DNAH6: variants seen among roughly 807,000 people sequenced by gnomAD.
The protein encoded by DNAH6 is dynein axonemal heavy chain 6.
A neutral mutation model predicts 491.4 loss-of-function variants in DNAH6; 340 were observed. The ratio of observed to expected loss-of-function variants is 0.69; its 90% CI spans 0.63 to 0.76. The LOEUF is 0.76. Among genes scored for constraint, DNAH6 ranks in the 30% least tolerant of loss-of-function variants. The pLI is 0.00. For missense variants in DNAH6, 4,443 were observed against 4,972.2 expected, an observed-to-expected ratio of 0.89 and a Z score of 3.20; for synonymous variants, 1,603 against 1,686.1, an observed-to-expected ratio of 0.95 and a Z score of 1.21.
Position 84,624,248 on chromosome 2 carries a change from A to AT in DNAH6, c.4072-9dup, listed in dbSNP as rs771395322. On this transcript the variant is annotated splice_polypyrimidine_tract_variant and intron_variant, in intron 26 of 76. Transcript: ENST00000389394. Reference sequence around the variant, plus strand: ...TGATATTGGAAAATTCACCATGACAATTTTTTTTATTTGTAGAGATTAAAT... The same window carrying AT: ...TGATATTGGAAAATTCACCATGACAATTTTTTTTTATTTGTAGAGATTAAAT... 21 of 1,526,084 alleles carry AT rather than the reference A, an allele frequency of 1.4e-5. No individual in the cohort carries two copies. The highest frequency in any genetic ancestry group is 4.5e-5 in the Admixed American group (2 of 44,720). The allele number at this position is 1,526,084 out of a possible 1,614,324, so 94.5% of individuals were successfully genotyped here. A position where few individuals can be genotyped will look rare whatever the true frequency, so the allele number is the denominator to read the frequency against.
chr2:84,584,565 A>T (rs1442462669), intron 15 of DNAH6: 2 of 230,774 alleles, frequency 8.7e-6, no homozygotes, highest in Non-Finnish European at 1.7e-5. Flanking sequence ...TGCTACTTAA[A>T]AATTAATGTT....
intron 37 of DNAH6, among the ~76,000 whole-genome samples, chr2:84,667,693 G>A (rs1282648174): frequency 1.3e-5 from 2 of 152,136 alleles, no homozygotes; most frequent in African/African-American, 2.4e-5. Context: ...GATTCCTCAA[G>A]GATCTAGAAC....
At chr2:84,476,298 G>A in the DNAH6 span, among the ~76,000 whole-genome samples, 1 of 152,078 alleles carries the variant, frequency 6.6e-6, no homozygotes, top group Non-Finnish European at 1.5e-5. Context: ...ATGCTTCAAG[G>A]TCTCCCTCGG....
chr2:84,765,720 T>G (rs1675014888), intron 64 of DNAH6, among the ~76,000 whole-genome samples: 1 of 151,976 alleles, frequency 6.6e-6, no homozygotes, highest in Non-Finnish European at 1.5e-5. Flanking sequence ...GAGTAGAAAT[T>G]AATGCAAATA....
intron 64 of DNAH6, among the ~76,000 whole-genome samples, chr2:84,774,354 G>A (rs1451887064): frequency 6.6e-6 from 1 of 152,034 alleles, no homozygotes; most frequent in African/African-American, 2.4e-5. Flanking sequence ...TGTCAACTTT[G>A]TCAAAGATGA....
At chr2:84,753,902 G>A (rs1673732507) in intron 63 of DNAH6, among the ~76,000 whole-genome samples, 1 of 146,004 alleles carries the variant, frequency 6.8e-6, no homozygotes, top group South Asian at 2.1e-4. Context: ...TCAGCTCACT[G>A]CAACCTCCAC....
At chr2:84,547,164 A>C in intron 5 of DNAH6, 104 bp from the exon 6 acceptor site, 1 of 951,492 alleles carries the variant, frequency 1.1e-6, no homozygotes, top group Non-Finnish European at 1.5e-6. Context: ...GTTAACACAC[A>C]GAGGTGTTTA....
At chr2:84,701,366 A>G (rs1478060551) in intron 49 of DNAH6, 27 bp downstream of exon 49, 1 of 1,534,416 alleles carries the variant, frequency 6.5e-7, no homozygotes, top group South Asian at 1.2e-5. Flanking sequence ...CCATGAAAAT[A>G]TTGTTTTGCT....
intron 70 of DNAH6, among the ~76,000 whole-genome samples, chr2:84,804,827 T>A (rs906695213): frequency 6.6e-6 from 1 of 152,202 alleles, no homozygotes; most frequent in Non-Finnish European, 1.5e-5. Context: ...TTATTTTATT[T>A]CCTTTTGAAA....
chr2:84,786,944 G>C (rs930035111), intron 67 of DNAH6, among the ~76,000 whole-genome samples: 1 of 152,050 alleles, frequency 6.6e-6, no homozygotes, highest in African/African-American at 2.4e-5. Context: ...TCTGGTAATA[G>C]CAAATTTTCT....
At chr2:84,733,748 C>A (rs1573640408) in intron 62 of DNAH6, among the ~76,000 whole-genome samples, 169 bp downstream of exon 62, 1 of 152,108 alleles carries the variant, frequency 6.6e-6, no homozygotes, top group African/African-American at 2.4e-5. Context: ...GAGTCGAATG[C>A]TTGGCCCATG....
intron 32 of DNAH6, among the ~76,000 whole-genome samples, chr2:84,641,463 A>G (rs114186179): frequency 2.7e-3 from 413 of 152,272 alleles, no homozygotes; most frequent in African/African-American, 9.4e-3. Context: ...AGACAGACCA[A>G]TGTGTAGTCA....
In DNAH6 at chr2:84,584,028, A is replaced by G. The variant is rs1251900287; in HGVS notation, c.2259A>G (p.Ile753Met). ...AAAGCCTTGAAGATGAGGGGAATATAGTGACTCAAATGTACAAGCTTATGG... is the reference window on the plus strand; with the variant it reads ...AAAGCCTTGAAGATGAGGGGAATATGGTGACTCAAATGTACAAGCTTATGG... ...RIESLEDEGNIVTQMYKLMEQ... is the reference protein window; with the variant it reads ...RIESLEDEGNMVTQMYKLMEQ... The change falls in exon 15 of 77, where the codon ATA (isoleucine) becomes ATG (methionine). Residue 753 changes from isoleucine (I) to methionine (M), a missense_variant. This residue lies in a region of DNAH6 where 2,977 missense variants were observed against 3,296.6 expected (regional missense o/e 0.90). Coordinates refer to ENST00000389394, the MANE Select transcript of DNAH6 (RefSeq NM_001370.2). 1 of 1,614,160 alleles carries G rather than the reference A, an allele frequency of 6.2e-7. No homozygotes were observed. Among genetic ancestry groups the G allele is most frequent in the Non-Finnish European group, 8.5e-7 (1 of 1,180,000 alleles).
chr2:84,765,208 G>A (rs1343003507), intron 64 of DNAH6, among the ~76,000 whole-genome samples: 2 of 152,014 alleles, frequency 1.3e-5, no homozygotes, highest in African/African-American at 4.8e-5. Flanking sequence ...GAAATTATAT[G>A]AAATCCAGAA....
In DNAH6 at chr2:84,654,689, A is replaced by G; in HGVS notation, c.5664A>G (p.Ala1888=). The G allele has an allele frequency of 6.4e-7, 1 of 1,551,124 alleles. No individual in the cohort carries two copies. The highest frequency in any genetic ancestry group is 8.7e-7 in the Non-Finnish European group (1 of 1,146,414). The part of the protein sequence containing the change: ...EVQDLRVASP[A]TVSRCGMVFV... ...AAGATCTGCGGGTTGCCTCCCCTGCAACAGTCAGTCGATGTGGAATGGTGT... is the reference window on the plus strand; with the variant it reads ...AAGATCTGCGGGTTGCCTCCCCTGCGACAGTCAGTCGATGTGGAATGGTGT... The change falls in exon 35 of 77, where the codon GCA becomes GCG. Residue 1888 remains alanine (A), a synonymous_variant. Coordinates refer to ENST00000389394, the MANE Select transcript of DNAH6 (RefSeq NM_001370.2).
At chr2:84,741,267 T>C (rs1672504171) in intron 62 of DNAH6, among the ~76,000 whole-genome samples, 1 of 151,988 alleles carries the variant, frequency 6.6e-6, no homozygotes, top group Non-Finnish European at 1.5e-5. Context: ...ATTCTCAAAA[T>C]GGTGCCTTGG....
At chr2:84,629,630 G>T (rs1335234846) in intron 29 of DNAH6, among the ~76,000 whole-genome samples, 2 of 152,102 alleles carry the variant, frequency 1.3e-5, no homozygotes, top group African/African-American at 4.8e-5. Flanking sequence ...TATTGATACT[G>T]ATTTCTTCTC....
the DNAH6 span, among the ~76,000 whole-genome samples, chr2:84,505,052 C>T: frequency 6.6e-6 from 1 of 152,160 alleles, no homozygotes; most frequent in South Asian, 2.1e-4. Context: ...TTTCAGTTTT[C>T]AGCATGAGTC....
chr2:84,627,022 C>T (rs11903820), intron 29 of DNAH6, among the ~76,000 whole-genome samples: 10,135 of 152,164 alleles, frequency 0.067, 1,104 homozygotes, highest in African/African-American at 0.23. Flanking sequence ...TTCTGACATC[C>T]GCCAAGGTGG....
Sources: gnomAD v4.1 joint callset for allele counts (sites outside exome capture counted in the v4.1 genomes callset) on GRCh38, gnomAD v4.1.1 for gene constraint, gnomAD v4.1.1 regional missense constraint, MANE v1.5 for transcripts, NCBI Gene and HGNC (gene_info 2026-07-23, HGNC 2026-07-21) for gene names.